The following ENG variants were observed in gnomAD, a reference collection of about 807,000 sequenced individuals.
The protein encoded by ENG is endoglin.
A neutral mutation model predicts 71.0 loss-of-function variants in ENG; 17 were observed. That is an observed-to-expected ratio of 0.24 (90% CI 0.16 to 0.36). ENG has a LOEUF of 0.36. Ranked by LOEUF, ENG falls within the 10% of genes least tolerant of loss-of-function variation. The pLI is 1.00. For missense variants in ENG, 749 were observed against 868.3 expected, an observed-to-expected ratio of 0.86 and a Z score of 1.73; for synonymous variants, 360 against 366.9, an observed-to-expected ratio of 0.98 and a Z score of 0.21.
intron 1 of ENG, among the ~76,000 whole-genome samples, chr9:127,847,756 C>G (rs1269450714): frequency 6.6e-6 from 1 of 152,086 alleles, no homozygotes; most frequent in Non-Finnish European, 1.5e-5. Context: ...CAATGCCTGC[C>G]CCGTCTTGTT....
At chr9:127,832,098 CAG>C (rs1830781520) in intron 2 of ENG, among the ~76,000 whole-genome samples, 5 of 93,306 alleles carry the variant, frequency 5.4e-5, no homozygotes, top group African/African-American at 1.8e-4. Flanking sequence ...TTTTTTGAGA[CAG>C]AGTCTTGCTC....
At chr9:127,831,684 CTTT>C (rs1337832342) in intron 2 of ENG, among the ~76,000 whole-genome samples, 6 of 133,820 alleles carry the variant, frequency 4.5e-5, no homozygotes, top group African/African-American at 1.6e-4. Context: ...CCTGCCTGGC[CTTT>C]TTTTTTTTTT....
chr9:127,825,638 CAGG>C (rs1298665401), intron 5 of ENG, 54 bp downstream of exon 5: 2 of 1,107,770 alleles, frequency 1.8e-6, no homozygotes, highest in African/African-American at 7.4e-5. Context: ...CGGGGGGGGT[CAGG>C]GGGGTGGTCT....
In ENG at chr9:127,843,097, T is replaced by C. The variant is rs758832549; in HGVS notation, c.216A>G (p.Pro72=). ...LEVHVLFLEF[P]TGPSQLELTL... Reference sequence around the variant, plus strand: ...GACCCTGCCATGGGACACTCACCGTTGGGAACTCCAGGAAGAGGACATGGA... The same window carrying C: ...GACCCTGCCATGGGACACTCACCGTCGGGAACTCCAGGAAGAGGACATGGA... The change falls in exon 2 of 15, where the codon CCA becomes CCG. Residue 72 remains proline, a synonymous_variant. Transcript: ENST00000373203. 6.2e-7 allele frequency: 1 copy of C among 1,613,992 alleles called. No individual in the cohort carries two copies. The highest frequency in any genetic ancestry group is 1.1e-5 in the South Asian group (1 of 91,068).
At chr9:127,841,922 GGAT>G (rs1831042758) in intron 2 of ENG, among the ~76,000 whole-genome samples, 1 of 152,160 alleles carries the variant, frequency 6.6e-6, no homozygotes, top group African/African-American at 2.4e-5. Flanking sequence ...CAAGAAGTGG[GGAT>G]AATAACAGAC....
chr9:127,839,793 T>C (rs1403924164), intron 2 of ENG, among the ~76,000 whole-genome samples: 1 of 152,110 alleles, frequency 6.6e-6, no homozygotes, highest in African/African-American at 2.4e-5. Context: ...TGACCTCAAG[T>C]GATCTGCCTG....
intron 2 of ENG, among the ~76,000 whole-genome samples, chr9:127,830,341 A>T (rs1274255715): frequency 5.3e-5 from 6 of 114,134 alleles, no homozygotes; most frequent in Non-Finnish European, 1.1e-4. Flanking sequence ...GACTCCATCT[A>T]AAAAAAAAAA....
intron 1 of ENG, among the ~76,000 whole-genome samples, chr9:127,843,755 A>ATATATATT (rs1554812402): frequency 1.2e-4 from 3 of 25,036 alleles, no homozygotes; most frequent in Non-Finnish European, 2.1e-4. Flanking sequence ...ATATATATAT[A>ATATATATT]TTTTTTTTTT....
intron 2 of ENG, among the ~76,000 whole-genome samples, chr9:127,841,958 G>C (rs1379066802): frequency 1.3e-5 from 2 of 152,186 alleles, no homozygotes; most frequent in Non-Finnish European, 2.9e-5. Context: ...GCCTTGGGAG[G>C]CTTAATACAT....
intron 1 of ENG, among the ~76,000 whole-genome samples, chr9:127,852,754 G>A (rs1829060125): frequency 6.6e-6 from 1 of 152,038 alleles, no homozygotes; most frequent in South Asian, 2.1e-4. Flanking sequence ...GTGAGTTGGT[G>A]GCTTGAAGTC....
intron 13 of ENG, chr9:127,816,353 CTG>C (rs1267338677): frequency 4.1e-6 from 2 of 485,740 alleles, no homozygotes; most frequent in South Asian, 2.0e-5. Flanking sequence ...CGTGAGGAAA[CTG>C]AGGCTCGGGA....
intron 1 of ENG, among the ~76,000 whole-genome samples, chr9:127,853,453 G>A (rs111843658): frequency 1.0e-3 from 153 of 152,296 alleles, no homozygotes; most frequent in African/African-American, 3.5e-3. Context: ...ATGGGGCTGG[G>A]GGTCCCTTGC....
intron 1 of ENG, among the ~76,000 whole-genome samples, chr9:127,851,681 C>T (rs1196907510): frequency 6.6e-6 from 1 of 152,052 alleles, no homozygotes; most frequent in South Asian, 2.1e-4. Flanking sequence ...GAGTTCGAGG[C>T]CAGCCTGGCC....
chr9:127,825,324 G>A lies in ENG; in HGVS notation c.723C>T (p.Ser241=), dbSNP rs1176178173. 1 of 1,610,954 alleles carries A rather than the reference G, an allele frequency of 6.2e-7. No individual in the cohort carries two copies. Among genetic ancestry groups the A allele is most frequent in the Non-Finnish European group, 8.5e-7 (1 of 1,179,516 alleles). The stretch of plus-strand genomic sequence containing the variant: ...CGGCATCGAGATCCCCGGGTGCGCA[G>A]CTCAGTTCCACCTTCACCGTCACCG... ...PRTVTVKVEL[S]CAPGDLDAVL... is the part of the protein sequence containing the mutation. Residue 241 remains serine, a synonymous_variant, in exon 6 of 15, where the codon AGC becomes AGT. Coordinates refer to ENST00000373203, the MANE Select transcript of ENG (RefSeq NM_001114753.3).
Position 127,820,037 on chromosome 9 carries a change from G to C in ENG, c.1135C>G (p.His379Asp), listed in dbSNP as rs771599199. ...TLVLKKELVA[H>D]LKCTITGLTF... ...AGGCCCGTGATGGTGCACTTCAAAT[G>C]CTGGGTCGGAAGAGAGGGGCACCAT... is the stretch of plus-strand genomic sequence containing the variant. The change falls in exon 9 of 15, where the codon CAT becomes GAT. Residue 379 changes from histidine to aspartate, a missense_variant and splice_region_variant. Transcript: ENST00000373203. 1.9e-6 allele frequency: 3 copies of C among 1,613,616 alleles called. No homozygotes were observed. The African/African-American group carries it at 4.0e-5, about 22-fold the overall frequency.
intron 2 of ENG, among the ~76,000 whole-genome samples, chr9:127,842,159 T>A (rs972025703): frequency 6.6e-6 from 1 of 152,126 alleles, no homozygotes; most frequent in Non-Finnish European, 1.5e-5. Context: ...GTCACAGATA[T>A]TCAGCAGGGG....
chr9:127,820,771 G>C (rs540345367), intron 8 of ENG, among the ~76,000 whole-genome samples: 1 of 151,846 alleles, frequency 6.6e-6, no homozygotes, highest in Non-Finnish European at 1.5e-5. Context: ...GGAGTTTGCA[G>C]TGAGCCGAGA....
intron 1 of ENG, among the ~76,000 whole-genome samples, chr9:127,849,712 C>T (rs567774698): frequency 6.0e-4 from 91 of 152,224 alleles, no homozygotes; most frequent in African/African-American, 1.9e-3. Context: ...TGAGTGCCTG[C>T]GGGGAGAAGA....
At position 127,838,858 on chromosome 9, in the gene ENG, CG is replaced by C. The variant is rs1237511297; in HGVS notation, c.219+4235del. Among the ~76,000 whole-genome samples, 3 of 152,132 alleles carry C rather than the reference CG, an allele frequency of 2.0e-5. No homozygotes were observed. The highest frequency in any genetic ancestry group is 7.2e-5 in the African/African-American group (3 of 41,440). ...AGACCTGCCCAGCACACGCACTGAG[CG>C]GCACTTCCCCAAGGCTCTCGGCTGC... On this transcript the variant is annotated intron_variant, in intron 2 of 14. Transcript: ENST00000373203. The surrounding 1 kb of genome is among the most constrained non-coding windows in gnomAD (Gnocchi z 4.3).
Sources: allele counts gnomAD v4.1 joint callset (sites outside exome capture counted in the v4.1 genomes callset), GRCh38; gene constraint gnomAD v4.1.1; non-coding constraint Gnocchi (gnomAD v3.1); transcripts MANE v1.5; gene names NCBI Gene and HGNC (gene_info 2026-07-23, HGNC 2026-07-21).